Variants in CREB5 observed in about 807,000 individuals in gnomAD.
CREB5 encodes the protein cyclic AMP-responsive element-binding protein 5.
A neutral mutation model predicts 57.1 loss-of-function variants in CREB5; 19 were observed. The observed-to-expected ratio is 0.33, with a 90% CI of 0.23 to 0.49. CREB5 has a LOEUF of 0.49. Ranked by LOEUF, CREB5 falls within the 20% of genes least tolerant of loss-of-function variation. The probability of loss-of-function intolerance (pLI) is 0.99; values close to 1 mark genes in which losing one functional copy is unlikely to be tolerated. For missense variants in CREB5, 579 were observed against 671.6 expected (o/e 0.86, Z 1.52); for synonymous variants, 238 against 238.3 (o/e 1.00, Z 0.01).
chr7:28,342,802 A>G (rs1785962766), intron 1 of CREB5, among the ~76,000 whole-genome samples: 1 of 152,238 alleles, frequency 6.6e-6, no homozygotes, highest in Non-Finnish European at 1.5e-5. Context: ...ACATATTGAT[A>G]TGGTACAATG....
Position 28,724,275 on chromosome 7 carries a change from T to G in CREB5, c.645T>G (p.Asn215Lys). 1.2e-6 allele frequency: 2 copies of G among 1,613,812 alleles called. No homozygotes were observed. The highest frequency in any genetic ancestry group is 2.2e-5 in the East Asian group (1 of 44,876). Residue 215 changes from asparagine (N) to lysine (K), a missense_variant, in exon 7 of 11, where the codon AAT becomes AAG. By Grantham distance (94) the Asn-to-Lys change is moderately conservative. Coordinates refer to ENST00000357727, the MANE Select transcript of CREB5 (RefSeq NM_182898.4). ...NSSIMGMQGPNLSNPCASPQV... is the reference protein window; with the variant it reads ...NSSIMGMQGPKLSNPCASPQV... ...GCATCATGGGGATGCAAGGTCCAAA[T>G]CTCAGCAACCCCTGTGCTTCTCCCC...
At chr7:28,669,255 A>T (rs1799941879) in intron 5 of CREB5, among the ~76,000 whole-genome samples, 1 of 152,204 alleles carries the variant, frequency 6.6e-6, no homozygotes, top group African/African-American at 2.4e-5. Context: ...ACGTGTTGGT[A>T]AATAGTGGCA....
chr7:28,352,976 T>A (rs200013698), intron 1 of CREB5, among the ~76,000 whole-genome samples: 2 of 152,244 alleles, frequency 1.3e-5, no homozygotes, highest in Non-Finnish European at 2.9e-5. Flanking sequence ...TACCTCTTAA[T>A]AGGACCCTGG....
chr7:28,490,859 G>A (rs1791768862), intron 2 of CREB5, among the ~76,000 whole-genome samples: 1 of 152,132 alleles, frequency 6.6e-6, no homozygotes. Context: ...TCTAATCTAT[G>A]TTCTCCCAAA....
chr7:28,317,934 C>G (rs1194114878), intron 1 of CREB5, among the ~76,000 whole-genome samples: 1 of 152,156 alleles, frequency 6.6e-6, no homozygotes, highest in Non-Finnish European at 1.5e-5. Flanking sequence ...CAACTATCAG[C>G]AGAGAAAGAT....
chr7:28,703,619 T>A (rs1801968962), intron 5 of CREB5, among the ~76,000 whole-genome samples: 1 of 152,106 alleles, frequency 6.6e-6, no homozygotes, highest in Admixed American at 6.5e-5. Context: ...GAAGCACCAA[T>A]GGTGTTGCTC....
intron 5 of CREB5, among the ~76,000 whole-genome samples, chr7:28,674,245 A>G (rs756038192): frequency 1.1e-4 from 16 of 152,196 alleles, no homozygotes; most frequent in Admixed American, 2.0e-4. Context: ...GGTGTTAGGT[A>G]GAAGGAGGAC....
chr7:28,330,915 T>G (rs764855375), intron 1 of CREB5, among the ~76,000 whole-genome samples: 3 of 152,184 alleles, frequency 2.0e-5, no homozygotes, highest in Non-Finnish European at 4.4e-5. Context: ...TTGCTAATCC[T>G]GACACTTATC....
At chr7:28,403,662 A>T (rs1421195148) in intron 1 of CREB5, among the ~76,000 whole-genome samples, 1 of 152,134 alleles carries the variant, frequency 6.6e-6, no homozygotes. Context: ...TCCTCTCAGC[A>T]TGTGAGCATG....
intron 4 of CREB5, among the ~76,000 whole-genome samples, chr7:28,510,965 T>G (rs1051246585): frequency 2.0e-5 from 3 of 152,148 alleles, no homozygotes; most frequent in Admixed American, 1.3e-4. Context: ...TTGTTCATCA[T>G]TTTTCATTCA....
intron 1 of CREB5, among the ~76,000 whole-genome samples, chr7:28,387,945 T>G (rs563051637): frequency 2.4e-4 from 36 of 152,360 alleles, no homozygotes; most frequent in South Asian, 4.1e-4. Context: ...ATCATCCATT[T>G]CAATATTTCA....
At chr7:28,404,605 T>C (rs1035367499) in intron 1 of CREB5, among the ~76,000 whole-genome samples, 3 of 152,140 alleles carry the variant, frequency 2.0e-5, no homozygotes, top group African/African-American at 7.2e-5. Context: ...GATAAAATTA[T>C]TAAGAATTTC....
intron 5 of CREB5, among the ~76,000 whole-genome samples, chr7:28,599,888 T>C (rs1796848543): frequency 6.6e-6 from 1 of 152,158 alleles, no homozygotes; most frequent in Admixed American, 6.6e-5. Context: ...GTCCACCCTT[T>C]TGTGATGTGA....
intron 7 of CREB5, among the ~76,000 whole-genome samples, chr7:28,741,727 G>C (rs111818132): frequency 6.6e-6 from 1 of 152,066 alleles, no homozygotes; most frequent in Admixed American, 6.6e-5. Flanking sequence ...GCAAGGGCAC[G>C]GATCTCCCAC....
intron 1 of CREB5, among the ~76,000 whole-genome samples, chr7:28,309,631 C>T (rs112938683): frequency 6.6e-6 from 1 of 152,292 alleles, no homozygotes; most frequent in African/African-American, 2.4e-5. Context: ...CAGGAGAGCC[C>T]ACCTACCAGC....
chr7:28,691,918 C>T (rs969803950), intron 5 of CREB5, among the ~76,000 whole-genome samples: 3 of 151,194 alleles, frequency 2.0e-5, no homozygotes, highest in Admixed American at 1.3e-4. Flanking sequence ...CCTGTAATCC[C>T]AGCACTTTGG....
chr7:28,616,149 A>G (rs941840217), intron 5 of CREB5, among the ~76,000 whole-genome samples: 5 of 152,096 alleles, frequency 3.3e-5, no homozygotes, highest in African/African-American at 1.2e-4. Flanking sequence ...AGGGGCTTTT[A>G]GGTTTGATTT....
chr7:28,501,252 T>C (rs1792262058), intron 3 of CREB5, among the ~76,000 whole-genome samples: 1 of 152,232 alleles, frequency 6.6e-6, no homozygotes, highest in Admixed American at 6.5e-5. Flanking sequence ...TATTGGTATC[T>C]CTTTAATAGT....
At chr7:28,737,509 G>T (rs577427242) in intron 7 of CREB5, among the ~76,000 whole-genome samples, 1 of 122,766 alleles carries the variant, frequency 8.1e-6, no homozygotes, top group Non-Finnish European at 1.6e-5. Flanking sequence ...CTCTCTCTGT[G>T]TGTGTGTGTG....
Sources: allele counts gnomAD v4.1 joint callset (sites outside exome capture counted in the v4.1 genomes callset), GRCh38; gene constraint gnomAD v4.1.1; transcripts MANE v1.5; gene names NCBI Gene and HGNC (gene_info 2026-07-23, HGNC 2026-07-21).